The following STUM variants were observed in gnomAD, a reference collection of about 807,000 sequenced individuals.
The protein encoded by STUM is protein stum homolog.
Under a neutral mutation model 15.3 loss-of-function variants are expected in STUM, and 8 were observed. That is an observed-to-expected ratio of 0.52 (90% CI 0.31 to 0.94). STUM has a LOEUF of 0.94. STUM is among the 40% of genes least tolerant of loss of function. STUM has a pLI of 0.05. For missense variants in STUM, 142 were observed against 204.9 expected (o/e 0.69, Z 1.87); for synonymous variants, 78 against 88.7 (o/e 0.88, Z 0.68).
At chr1:226,598,481 A>G (rs761482547) in intron 2 of STUM, among the ~76,000 whole-genome samples, 1 of 152,208 alleles carries the variant, frequency 6.6e-6, no homozygotes, top group Admixed American at 6.5e-5. Context: ...TTGATGCCTC[A>G]TCTGATCTCT....
rs565109553 is a variant in STUM, at chr1:226,600,843, A to C, written c.391+169A>C. ...TGGAAAATGCTTAAACATAGACAAA[A>C]GTAGAGCCCCTAGTAAAATGAGGCC... On this transcript the variant is annotated intron_variant, in intron 3 of 3. Coordinates refer to ENST00000366788, the MANE Select transcript of STUM (RefSeq NM_001003665.4). The surrounding 1 kb of genome is among the most constrained non-coding windows in gnomAD (Gnocchi z 5.2). Among the ~76,000 whole-genome samples the C allele has an allele frequency of 6.6e-6, 1 of 152,250 alleles. No individual in the cohort carries two copies. The highest frequency in any genetic ancestry group is 2.1e-4 in the South Asian group (1 of 4,824).
chr1:226,559,110 A>G (rs1667496296), intron 1 of STUM, among the ~76,000 whole-genome samples: 1 of 152,236 alleles, frequency 6.6e-6, no homozygotes, highest in African/African-American at 2.4e-5. Flanking sequence ...AAATAGTAAA[A>G]TGAGATAAGG....
intron 1 of STUM, among the ~76,000 whole-genome samples, chr1:226,595,556 A>T (rs537372107): frequency 1.3e-5 from 2 of 152,342 alleles, no homozygotes; most frequent in Admixed American, 1.3e-4. Context: ...CCACATCCAT[A>T]TCCCCAAACC....
intron 1 of STUM, among the ~76,000 whole-genome samples, chr1:226,577,101 G>A (rs1176384785): frequency 1.3e-5 from 2 of 152,180 alleles, no homozygotes; most frequent in Non-Finnish European, 2.9e-5. Context: ...GCACAGAAAG[G>A]TTAGGTGACT....
intron 1 of STUM, among the ~76,000 whole-genome samples, chr1:226,581,993 C>T (rs905525090): frequency 4.6e-5 from 7 of 152,228 alleles, no homozygotes; most frequent in African/African-American, 1.7e-4. Flanking sequence ...AGCCTTCTGC[C>T]CTGCCCCTCA....
At chr1:226,596,145 G>A (rs1668176174) in intron 1 of STUM, among the ~76,000 whole-genome samples, 1 of 152,174 alleles carries the variant, frequency 6.6e-6, no homozygotes. Context: ...CCTTGTGGAT[G>A]CTCAATAGAG....
At chr1:226,581,364 G>T (rs143941974) in intron 1 of STUM, among the ~76,000 whole-genome samples, 1 of 152,336 alleles carries the variant, frequency 6.6e-6, no homozygotes, top group East Asian at 1.9e-4. Context: ...TCCATTTTCT[G>T]TTGCTATAAC....
chr1:226,562,297 C>G (rs148985566), intron 1 of STUM, among the ~76,000 whole-genome samples: 1 of 151,776 alleles, frequency 6.6e-6, no homozygotes, highest in African/African-American at 2.4e-5. Flanking sequence ...GATGAAACCC[C>G]GTCTCTACTA....
chr1:226,601,128 T>TTTC lies in STUM; in HGVS notation c.391+466_391+468dup, dbSNP rs1553312873. 4.9e-3 allele frequency among the ~76,000 whole-genome samples: 739 copies of TTTC among 152,140 alleles called. 7 individuals carry two copies. The highest frequency in any genetic ancestry group is 0.017 in the African/African-American group (693 of 41,484). On this transcript the variant is annotated intron_variant, in intron 3 of 3. Transcript: ENST00000366788. Reference sequence around the variant, plus strand: ...ATATTTCAGTAGGTATCGTTTTTTTTTTCTTCTTCTTCTTTTGAGACAGAG... The same window carrying TTTC: ...ATATTTCAGTAGGTATCGTTTTTTTTTTCTTCTTCTTCTTCTTTTGAGACAGAG...
At chr1:226,566,135 C>A (rs1037329898) in intron 1 of STUM, among the ~76,000 whole-genome samples, 2 of 152,212 alleles carry the variant, frequency 1.3e-5, no homozygotes, top group African/African-American at 4.8e-5. Flanking sequence ...GGTTTGATTT[C>A]TCTTCCTCCA....
At chr1:226,590,023 T>G (rs1332374203) in intron 1 of STUM, among the ~76,000 whole-genome samples, 1 of 152,154 alleles carries the variant, frequency 6.6e-6, no homozygotes, top group Non-Finnish European at 1.5e-5. Context: ...AGTATCTGCA[T>G]ATGAACCCCA....
intron 1 of STUM, among the ~76,000 whole-genome samples, chr1:226,581,471 G>T (rs1248539758): frequency 6.6e-6 from 1 of 152,256 alleles, no homozygotes; most frequent in Non-Finnish European, 1.5e-5. Flanking sequence ...CCAGCATCTG[G>T]CGAGGGCCTT....
Position 226,602,064 on chromosome 1 carries a change from T to C in STUM, c.*24T>C, listed in dbSNP as rs777757555. On this transcript the variant is annotated 3_prime_UTR_variant, in exon 4 of 4. Transcript: ENST00000366788. ...GAGCCCACGGGAGCCGCTGGGGAGA[T>C]CCAGGGGGGCCCTGTGAGGGCTGCA... 116 of 1,599,350 alleles carry C rather than the reference T, an allele frequency of 7.3e-5. No homozygotes were observed. Among genetic ancestry groups the C allele is most frequent in the Middle Eastern group, 1.6e-4 (1 of 6,068 alleles).
At chr1:226,601,365 T>A (rs1668259774) in intron 3 of STUM, among the ~76,000 whole-genome samples, 1 of 152,176 alleles carries the variant, frequency 6.6e-6, no homozygotes, top group Admixed American at 6.5e-5. Context: ...GACATAGTGA[T>A]CTGCCCGCCT....
chr1:226,592,869 C>T (rs1668111573), intron 1 of STUM, among the ~76,000 whole-genome samples: 1 of 152,218 alleles, frequency 6.6e-6, no homozygotes, highest in Admixed American at 6.5e-5. Context: ...CCCAGTTCAT[C>T]TTTCCCATCT....
At chr1:226,589,972 G>A (rs966579296) in intron 1 of STUM, among the ~76,000 whole-genome samples, 6 of 151,878 alleles carry the variant, frequency 4.0e-5, no homozygotes, top group African/African-American at 1.5e-4. Flanking sequence ...GCAATTCCTA[G>A]ATCCATCCCT....
Position 226,600,712 on chromosome 1 carries a change from G to A in STUM, c.391+38G>A. ...ATGGACGTGCGGGCCTCGTGCTGCT[G>A]CTTGGGGCCCTCCCCTCCCCCGAGA... On this transcript the variant is annotated intron_variant, in intron 3 of 3. Coordinates refer to ENST00000366788, the MANE Select transcript of STUM (RefSeq NM_001003665.4). This position sits in a 1 kb window ranked among gnomAD's most constrained non-coding sequence, Gnocchi z 5.2. 1 of 1,608,286 alleles carries A rather than the reference G, an allele frequency of 6.2e-7. No homozygotes were observed. The highest frequency in any genetic ancestry group is 1.1e-5 in the South Asian group (1 of 91,052).
Position 226,567,155 on chromosome 1 carries a change from G to A in STUM, c.202+18049G>A, listed in dbSNP as rs994644167. ...ATGAAGCCAGTAGGGTGGTGAGGCC[G>A]GGGCACCTGCTCTGCTAATCAACAG... On this transcript the variant is annotated intron_variant, in intron 1 of 3. Transcript: ENST00000366788. This position sits in a 1 kb window ranked among gnomAD's most constrained non-coding sequence, Gnocchi z 4.5. Among the ~76,000 whole-genome samples, 5 of 152,164 alleles carry A rather than the reference G, an allele frequency of 3.3e-5. No homozygotes were observed. Among genetic ancestry groups the A allele is most frequent in the African/African-American group, 4.8e-5 (2 of 41,438 alleles).
intron 1 of STUM, among the ~76,000 whole-genome samples, chr1:226,578,305 C>T (rs1268835425): frequency 6.8e-6 from 1 of 147,792 alleles, no homozygotes; most frequent in African/African-American, 2.5e-5. Flanking sequence ...CAAACTCTGG[C>T]CCTCAAGTGA....
Sources: allele counts gnomAD v4.1 joint callset (sites outside exome capture counted in the v4.1 genomes callset), GRCh38; gene constraint gnomAD v4.1.1; non-coding constraint Gnocchi (gnomAD v3.1); transcripts MANE v1.5; gene names NCBI Gene and HGNC (gene_info 2026-07-23, HGNC 2026-07-21).